Variants in COL5A2 observed in about 807,000 individuals in gnomAD.
COL5A2 encodes the protein collagen type V alpha 2 chain.
In COL5A2, 23 loss-of-function variants were observed where a neutral mutation model predicts 208.2. The observed-to-expected ratio is 0.11, with a 90% CI of 0.08 to 0.16. The LOEUF is 0.16. COL5A2 is among the 10% of genes least tolerant of loss of function. The probability of loss-of-function intolerance (pLI) is 1.00; values close to 1 mark genes in which losing one functional copy is unlikely to be tolerated. For synonymous variants in COL5A2, 625 were observed against 628.5 expected (o/e 0.99, Z 0.08); for missense variants, 1,590 against 1,956.4 (o/e 0.81, Z 3.53).
At chr2:189,198,258 T>G (rs1001180422) in intron 1 of COL5A2, among the ~76,000 whole-genome samples, 1 of 152,178 alleles carries the variant, frequency 6.6e-6, no homozygotes, top group Non-Finnish European at 1.5e-5. Flanking sequence ...TAAAGATGTA[T>G]AAAGACAATT....
chr2:189,327,018 C>T, the COL5A2 span, among the ~76,000 whole-genome samples: 3 of 149,490 alleles, frequency 2.0e-5, no homozygotes, highest in South Asian at 6.4e-4. Context: ...TTGCAGTGAG[C>T]ACAGATCATG....
At chr2:189,035,206 T>C (rs917479484) in intron 52 of COL5A2, 51 bp from the exon 53 acceptor site, 3 of 1,610,196 alleles carry the variant, frequency 1.9e-6, no homozygotes, top group South Asian at 1.1e-5. Context: ...GGTTTCATAA[T>C]GCCTTACACA....
At position 189,048,257 on chromosome 2, in the gene COL5A2, T is replaced by G. The variant is rs1685712218; in HGVS notation, c.3153A>C (p.Pro1051=). 2 of 1,613,992 alleles carry G rather than the reference T, an allele frequency of 1.2e-6. No homozygotes were observed. The highest frequency in any genetic ancestry group is 1.7e-6 in the Non-Finnish European group (2 of 1,179,890). ...GPVGEPGPEG[P]AGNDGTPGRD... is the part of the protein sequence containing the mutation. ...GTCCTGGGGTACCATCATTGCCAGC[T>G]GGACCCTATAAAGAATAATGGTTTG... Residue 1051 remains proline (P), a synonymous_variant, in exon 45 of 54, where the codon CCA becomes CCC. Coordinates refer to ENST00000374866, the MANE Select transcript of COL5A2 (RefSeq NM_000393.5).
At chr2:189,283,637 G>GA in the COL5A2 span, among the ~76,000 whole-genome samples, 2 of 151,748 alleles carry the variant, frequency 1.3e-5, no homozygotes, top group South Asian at 4.2e-4. Flanking sequence ...GGGATTTTAG[G>GA]AAAAAACTAA....
chr2:189,161,844 T>G lies in COL5A2; in HGVS notation c.97+17664A>C, dbSNP rs1166522047. Among the ~76,000 whole-genome samples, 3 of 152,274 alleles carry G rather than the reference T, an allele frequency of 2.0e-5. No homozygotes were observed. In the East Asian group the frequency reaches 5.8e-4, roughly 29 times the overall value. ...GGGCAATAAATAAAAGGATTTATTG[T>G]GTGCTAAATGTGTTAAAGAAAGAGG... On this transcript the variant is annotated intron_variant, in intron 1 of 53. Transcript: ENST00000374866.
At chr2:189,100,874 T>C (rs1334090026) in intron 3 of COL5A2, among the ~76,000 whole-genome samples, 1 of 152,058 alleles carries the variant, frequency 6.6e-6, no homozygotes, top group Admixed American at 6.6e-5. Context: ...GAATTTATTT[T>C]GTTTCTTAGA....
chr2:189,247,307 C>G, the COL5A2 span, among the ~76,000 whole-genome samples: 2 of 152,136 alleles, frequency 1.3e-5, no homozygotes. Flanking sequence ...TTAAAATGTA[C>G]ATTAATACAT....
At chr2:189,158,882 T>C (rs1559130131) in intron 1 of COL5A2, among the ~76,000 whole-genome samples, 1 of 152,286 alleles carries the variant, frequency 6.6e-6, no homozygotes, top group East Asian at 1.9e-4. Context: ...TTATTTCAAG[T>C]GTTTATTTTG....
the COL5A2 span, among the ~76,000 whole-genome samples, chr2:189,395,125 T>C: frequency 0.028 from 4,279 of 152,262 alleles, 204 homozygotes; most frequent in African/African-American, 0.098. Context: ...GCTATTAGAA[T>C]AATGTATTTT....
At chr2:189,368,653 T>G in the COL5A2 span, among the ~76,000 whole-genome samples, 1 of 152,184 alleles carries the variant, frequency 6.6e-6, no homozygotes, top group Non-Finnish European at 1.5e-5. Flanking sequence ...TAAAGTTAAC[T>G]GTAGTATTAA....
the COL5A2 span, among the ~76,000 whole-genome samples, chr2:189,322,719 C>T: frequency 3.6e-4 from 55 of 152,174 alleles, 1 homozygote; most frequent in East Asian, 8.9e-3. Flanking sequence ...CAGGACCAGA[C>T]GGATACACAG....
chr2:189,252,984 G>A, the COL5A2 span, among the ~76,000 whole-genome samples: 1 of 152,150 alleles, frequency 6.6e-6, no homozygotes, highest in Non-Finnish European at 1.5e-5. Flanking sequence ...TGTTCATAAA[G>A]ACAACTGAAC....
In COL5A2 at chr2:189,156,027, T is replaced by G. The variant is rs532648161; in HGVS notation, c.97+23481A>C. Among the ~76,000 whole-genome samples, 4 of 152,290 alleles carry G rather than the reference T, an allele frequency of 2.6e-5. 1 individual carries two copies. In the South Asian group the frequency reaches 8.3e-4, roughly 32 times the overall value. On this transcript the variant is annotated intron_variant, in intron 1 of 53. Transcript: ENST00000374866. The stretch of plus-strand genomic sequence containing the variant: ...TGCTTTTGTCATCACATCTTCCGCC[T>G]CTTTCTTTTTTTAGAAGGATGCTGG...
chr2:189,135,342 T>C (rs567091241), intron 1 of COL5A2, among the ~76,000 whole-genome samples: 1 of 152,292 alleles, frequency 6.6e-6, no homozygotes, highest in South Asian at 2.1e-4. Flanking sequence ...TATGAGAAAA[T>C]ATTGCCACAC....
At chr2:189,183,507 T>G (rs1349233772), upstream of COL5A2, among the ~76,000 whole-genome samples, 1 of 152,144 alleles carries the variant, frequency 6.6e-6, no homozygotes, top group Non-Finnish European at 1.5e-5. Flanking sequence ...ATTTTTCAAG[T>G]GCCTCAATTA....
upstream of COL5A2, chr2:189,179,993 C>G (rs1688753008): frequency 2.4e-6 from 1 of 423,798 alleles, no homozygotes; most frequent in African/African-American, 2.0e-5. Context: ...ACATTTGTTT[C>G]TCTTTTCTTT....
intron 35 of COL5A2, 66 bp downstream of exon 35, chr2:189,056,907 G>A: frequency 6.7e-7 from 1 of 1,482,896 alleles, no homozygotes; most frequent in Non-Finnish European, 9.4e-7. Context: ...GGAAGGTTCA[G>A]GGAAACTCAT....
chr2:189,229,029 A>G (rs1187207070), upstream of COL5A2, among the ~76,000 whole-genome samples: 1 of 151,954 alleles, frequency 6.6e-6, no homozygotes, highest in Non-Finnish European at 1.5e-5. Flanking sequence ...AATGTGATTC[A>G]CCACATTAAC....
intron 45 of COL5A2, among the ~76,000 whole-genome samples, chr2:189,047,036 C>T (rs1309849292): frequency 1.3e-5 from 2 of 151,180 alleles, no homozygotes; most frequent in Non-Finnish European, 2.9e-5. Context: ...GCAGGAGAAT[C>T]ACTTGAACCC....
Sources: gnomAD v4.1 joint callset for allele counts (sites outside exome capture counted in the v4.1 genomes callset) on GRCh38, gnomAD v4.1.1 for gene constraint, MANE v1.5 for transcripts, NCBI Gene and HGNC (gene_info 2026-07-23, HGNC 2026-07-21) for gene names.